Variants in ENAM observed in about 807,000 individuals in gnomAD.
The protein encoded by ENAM is amelogenesis imperfecta 2, hypocalcification (autosomal dominant).
ENAM carries 21 observed loss-of-function variants against 33.6 expected under a neutral mutation model. The ratio of observed to expected loss-of-function variants is 0.63; its 90% CI spans 0.44 to 0.90. The LOEUF (loss-of-function observed/expected upper bound fraction) is 0.90, where lower values mean the gene tolerates loss of function less well. Ranked by LOEUF, ENAM falls within the 40% of genes least tolerant of loss-of-function variation. The pLI, the probability that ENAM is intolerant of heterozygous loss-of-function variation, is 0.00. For synonymous variants in ENAM, 473 were observed against 468.4 expected (o/e 1.01, Z -0.13); for missense variants, 1,388 against 1,366.9 (o/e 1.02, Z -0.24).
chr4:70,643,999 C>G lies in ENAM; in HGVS notation c.2573C>G (p.Ser858Ter). Residue 858 changes from serine to a stop codon, truncating the protein, a stop_gained, in exon 9 of 9, where the codon TCA (serine) becomes TGA (stop). Coordinates refer to ENST00000396073, the MANE Select transcript of ENAM (RefSeq NM_031889.3). LOFTEE classifies it low-confidence loss of function (END_TRUNC). ...FPNFIPPSYP[S>*]GQKEAHLFHL... ...AACTTCATCCCACCAAGTTACCCAT[C>G]AGGTCAAAAAGAAGCACATTTATTT... The G allele has an allele frequency of 6.2e-7, 1 of 1,614,150 alleles. No homozygotes were observed. Among genetic ancestry groups the G allele is most frequent in the Non-Finnish European group, 8.5e-7 (1 of 1,180,002 alleles).
chr4:70,635,997 C>T, intron 7 of ENAM, 103 bp downstream of exon 7: 1 of 620,406 alleles, frequency 1.6e-6, no homozygotes, highest in Non-Finnish European at 2.8e-6. Context: ...TACCATATAC[C>T]AATCAGTAGA....
At chr4:70,639,278 TATC>T (rs1738539383) in intron 8 of ENAM, among the ~76,000 whole-genome samples, 3 of 149,744 alleles carry the variant, frequency 2.0e-5, no homozygotes, top group African/African-American at 7.6e-5. Context: ...TCCAGGCAGT[TATC>T]ACAGGCTTTA....
chr4:70,644,044 C>G lies in ENAM; in HGVS notation c.2618C>G (p.Ser873Cys). Reference protein sequence around the residue: ...AHLFHLSQRGSCCAGSSTGPK... With the variant: ...AHLFHLSQRGCCCAGSSTGPK... ...TTATTTCACCTAAGCCAGAGAGGCTCTTGCTGTGCTGGTAGCTCCACAGGG... is the reference window on the plus strand; with the variant it reads ...TTATTTCACCTAAGCCAGAGAGGCTGTTGCTGTGCTGGTAGCTCCACAGGG... The change falls in exon 9 of 9, where the codon TCT becomes TGT. Residue 873 changes from serine to cysteine, a missense_variant. By Grantham distance (112) the Ser-to-Cys change is moderately radical. Coordinates refer to ENST00000396073, the MANE Select transcript of ENAM (RefSeq NM_031889.3). The G allele has an allele frequency of 6.2e-7, 1 of 1,614,166 alleles. No individual in the cohort carries two copies. Among genetic ancestry groups the G allele is most frequent in the Non-Finnish European group, 8.5e-7 (1 of 1,180,008 alleles).
At position 70,642,946 on chromosome 4, in the gene ENAM, C is replaced by G. The variant is rs757607851; in HGVS notation, c.1520C>G (p.Ser507Cys). ...PRGDSRKVPN[S>C]DGQTQSQNLP... Reference sequence around the variant, plus strand: ...GGAGATTCCAGAAAAGTCCCAAATTCTGATGGACAAACCCAAAGCCAGAAT... The same window carrying G: ...GGAGATTCCAGAAAAGTCCCAAATTGTGATGGACAAACCCAAAGCCAGAAT... Residue 507 changes from serine to cysteine, a missense_variant, in exon 9 of 9, where the codon TCT becomes TGT. By Grantham distance (112) the Ser-to-Cys change is moderately radical. Transcript: ENST00000396073. 1 of 1,614,102 alleles carries G rather than the reference C, an allele frequency of 6.2e-7. No individual in the cohort carries two copies. Among genetic ancestry groups the G allele is most frequent in the East Asian group, 2.2e-5 (1 of 44,870 alleles).
chr4:70,641,744 C>G (rs1738601964), intron 8 of ENAM, among the ~76,000 whole-genome samples: 1 of 151,746 alleles, frequency 6.6e-6, no homozygotes, highest in Non-Finnish European at 1.5e-5. Flanking sequence ...TCATTAAAAA[C>G]AAAACAGAAA....
chr4:70,643,384 A>G lies in ENAM; in HGVS notation c.1958A>G (p.Glu653Gly), dbSNP rs1738661152. 2 of 1,614,082 alleles carry G rather than the reference A, an allele frequency of 1.2e-6. No homozygotes were observed. The highest frequency in any genetic ancestry group is 1.3e-5 in the African/African-American group (1 of 75,032). The change falls in exon 9 of 9, where the codon GAA becomes GGA. Residue 653 changes from glutamate to glycine, a missense_variant. Coordinates refer to ENST00000396073, the MANE Select transcript of ENAM (RefSeq NM_031889.3). ...PDQKEIVPYN[E>G]EDPVDPTGDE... The stretch of plus-strand genomic sequence containing the variant: ...CAGAAGGAGATAGTCCCTTATAATG[A>G]AGAGGACCCAGTTGATCCAACTGGA...
rs759182260 is a variant in ENAM at position 70,643,813 on chromosome 4, C to A, written c.2387C>A (p.Ala796Asp). The change falls in exon 9 of 9, where the codon GCC (alanine) becomes GAC (aspartate). Residue 796 changes from alanine (A) to aspartate (D), a missense_variant. Ala to Asp is a moderately radical substitution (Grantham distance 126). Coordinates refer to ENST00000396073, the MANE Select transcript of ENAM (RefSeq NM_031889.3). ...GATCAGGCAACACATTTACAAAAAGCCCCAGCTAGGCCACCAGACCAGAAA... is the reference window on the plus strand; with the variant it reads ...GATCAGGCAACACATTTACAAAAAGACCCAGCTAGGCCACCAGACCAGAAA... ...IWDQATHLQK[A>D]PARPPDQKGN... The A allele has an allele frequency of 6.2e-7, 1 of 1,614,118 alleles. No homozygotes were observed. Among genetic ancestry groups the A allele is most frequent in the Non-Finnish European group, 8.5e-7 (1 of 1,180,014 alleles).
At position 70,642,845 on chromosome 4, in the gene ENAM, G is replaced by C. The variant is rs1258123086; in HGVS notation, c.1419G>C (p.Leu473=). 6.2e-7 allele frequency: 1 copy of C among 1,613,890 alleles called. No homozygotes were observed. Among genetic ancestry groups the C allele is most frequent in the East Asian group, 2.2e-5 (1 of 44,864 alleles). Residue 473 remains leucine, a synonymous_variant, in exon 9 of 9, where the codon CTG becomes CTC. Transcript: ENST00000396073. The part of the protein sequence containing the change: ...QYEVNKSNYK[L]PHSEGYMPVP... ...AAGTTAATAAATCAAATTATAAACT[G>C]CCTCACTCTGAGGGTTATATGCCAG...
chr4:70,630,143 G>A (rs552494062), intron 2 of ENAM, among the ~76,000 whole-genome samples: 1 of 152,238 alleles, frequency 6.6e-6, no homozygotes, highest in Admixed American at 6.5e-5. Context: ...AGTAGGAAAG[G>A]TATTTACATA....
chr4:70,638,959 G>A (rs1044654899), intron 8 of ENAM, among the ~76,000 whole-genome samples: 6 of 151,572 alleles, frequency 4.0e-5, no homozygotes, highest in Admixed American at 6.6e-5. Context: ...CATCACACCC[G>A]TCTAATCTTT....
In ENAM at chr4:70,632,669, T is replaced by C; in HGVS notation, c.187T>C (p.Phe63Leu). 1.2e-6 allele frequency: 2 copies of C among 1,605,294 alleles called. No individual in the cohort carries two copies. The highest frequency in any genetic ancestry group is 1.7e-6 in the Non-Finnish European group (2 of 1,172,184). The change falls in exon 5 of 9, where the codon TTC (phenylalanine) becomes CTC (leucine). Residue 63 changes from phenylalanine (F) to leucine (L), a missense_variant. Transcript: ENST00000396073. ...KSEEMMRYNQ[F>L]NFMNGPHMAH... ...GTTGCAGATGATGCGGTATAATCAA[T>C]TCAACTTTATGAACGGCCCACATGT...
At chr4:70,634,912 T>C in intron 6 of ENAM, among the ~76,000 whole-genome samples, 1 of 152,206 alleles carries the variant, frequency 6.6e-6, no homozygotes, top group Non-Finnish European at 1.5e-5. Context: ...TAGGTTCCAG[T>C]TTCCCCATGA....
Position 70,645,833 on chromosome 4 carries a change from A to G in ENAM, c.*978A>G, listed in dbSNP as rs2148524540. On this transcript the variant is annotated 3_prime_UTR_variant, in exon 9 of 9. Coordinates refer to ENST00000396073, the MANE Select transcript of ENAM (RefSeq NM_031889.3). ...TCTACCAAGTAGACACAGTTCAGTTAGAGAGACGTATTTAAGGAGAAGGGA... is the reference window on the plus strand; with the variant it reads ...TCTACCAAGTAGACACAGTTCAGTTGGAGAGACGTATTTAAGGAGAAGGGA... 1 of 152,312 alleles carries G rather than the reference A, an allele frequency of 6.6e-6. No individual in the cohort carries two copies. Among genetic ancestry groups the G allele is most frequent in the East Asian group, 1.9e-4 (1 of 5,186 alleles). The allele number at this position is 152,312 out of a possible 1,614,324, so 9.4% of individuals were successfully genotyped here.
At chr4:70,632,822 C>T in intron 5 of ENAM, 130 bp downstream of exon 5, 1 of 745,036 alleles carries the variant, frequency 1.3e-6, no homozygotes, top group South Asian at 1.6e-5. Flanking sequence ...ACAAAAGTTT[C>T]AAGGTGGAAA....
In ENAM at chr4:70,631,901, C is replaced by T. The variant is rs371519580; in HGVS notation, c.168+8C>T. 47 of 1,611,886 alleles carry T rather than the reference C, an allele frequency of 2.9e-5. No homozygotes were observed. Among genetic ancestry groups the T allele is most frequent in the African/African-American group, 1.9e-4 (14 of 74,862 alleles). On this transcript the variant is annotated splice_region_variant and intron_variant, in intron 4 of 8. Transcript: ENST00000396073. Reference sequence around the variant, plus strand: ...AGCAGTAAAAGTGAGGAGGTATGTACGTTCAGTCTCAGAGGAGAAGTTATC... The same window carrying T: ...AGCAGTAAAAGTGAGGAGGTATGTATGTTCAGTCTCAGAGGAGAAGTTATC...
In ENAM at chr4:70,643,903, G is replaced by T. The variant is rs762693952; in HGVS notation, c.2477G>T (p.Gly826Val). The change falls in exon 9 of 9, where the codon GGT becomes GTT. Residue 826 changes from glycine (G) to valine (V), a missense_variant. By Grantham distance (109) the Gly-to-Val change is moderately radical (BLOSUM62 -3). Coordinates refer to ENST00000396073, the MANE Select transcript of ENAM (RefSeq NM_031889.3). Reference protein sequence around the residue: ...GLQKNPIWHEGENLNYGMQIT... With the variant: ...GLQKNPIWHEVENLNYGMQIT... ...CAGAAAAATCCAATATGGCATGAAG[G>T]TGAGAATTTGAACTATGGCATGCAA... The T allele has an allele frequency of 3.7e-6, 6 of 1,614,050 alleles. No homozygotes were observed. Among genetic ancestry groups the T allele is most frequent in the Non-Finnish European group, 4.2e-6 (5 of 1,180,000 alleles).
chr4:70,634,226 T>C (rs1250887891), intron 5 of ENAM, 82 bp from the exon 6 acceptor site: 1 of 1,411,902 alleles, frequency 7.1e-7, no homozygotes, highest in African/African-American at 1.4e-5. Context: ...TTTGGCTGAG[T>C]TTTAGAGGCT....
Position 70,644,185 on chromosome 4 carries a change from G to A in ENAM, c.2759G>A (p.Arg920Lys), listed in dbSNP as rs1738693666. 1 of 1,614,078 alleles carries A rather than the reference G, an allele frequency of 6.2e-7. No individual in the cohort carries two copies. Among genetic ancestry groups the A allele is most frequent in the East Asian group, 2.2e-5 (1 of 44,880 alleles). ...YTDGSHTKQT[R>K]DIISPTSILP... is the part of the protein sequence containing the mutation. Reference sequence around the variant, plus strand: ...GACGGTAGTCATACCAAGCAGACAAGAGATATCATCTCCCCAACAAGCATC... The same window carrying A: ...GACGGTAGTCATACCAAGCAGACAAAAGATATCATCTCCCCAACAAGCATC... Residue 920 changes from arginine (R) to lysine (K), a missense_variant, in exon 9 of 9, where the codon AGA (arginine) becomes AAA (lysine). By Grantham distance (26) the Arg-to-Lys change is conservative. Coordinates refer to ENST00000396073, the MANE Select transcript of ENAM (RefSeq NM_031889.3).
rs139631708 is a variant in ENAM, at chr4:70,643,446, G to A, written c.2020G>A (p.Glu674Lys). The A allele has an allele frequency of 6.2e-6, 10 of 1,614,126 alleles. No homozygotes were observed. In the East Asian group the frequency reaches 1.6e-4, roughly 25 times the overall value. Residue 674 changes from glutamate to lysine, a missense_variant, in exon 9 of 9, where the codon GAG becomes AAG. Transcript: ENST00000396073. ...TCCTGGACAAAATAGATGGGGTGAA[G>A]AGTTGAGCTTCAAAGGAGGCCCAAC... ...VFPGQNRWGE[E>K]LSFKGGPTVR...
Sources: gnomAD v4.1 joint callset for allele counts (sites outside exome capture counted in the v4.1 genomes callset) on GRCh38, gnomAD v4.1.1 for gene constraint, MANE v1.5 for transcripts, NCBI Gene and HGNC (gene_info 2026-07-23, HGNC 2026-07-21) for gene names.